PXDNL: variants seen among roughly 807,000 people sequenced by gnomAD.
The protein encoded by PXDNL is probable oxidoreductase PXDNL.
A neutral mutation model predicts 150.8 loss-of-function variants in PXDNL; 145 were observed. The observed-to-expected ratio is 0.96, with a 90% confidence interval of 0.84 to 1.10. PXDNL has a LOEUF of 1.10. Among genes scored for constraint, PXDNL ranks in the 50% least tolerant of loss-of-function variants. PXDNL has a pLI of 0.00. For synonymous variants in PXDNL, 757 were observed against 725.7 expected (o/e 1.04, Z -0.69); for missense variants, 2,087 against 1,873.9 (o/e 1.11, Z -2.10).
At chr8:51,448,625 G>A (rs1809734760) in intron 11 of PXDNL, among the ~76,000 whole-genome samples, 1 of 152,090 alleles carries the variant, frequency 6.6e-6, no homozygotes, top group Non-Finnish European at 1.5e-5. Context: ...GCGTGAACCC[G>A]GGAGGCGGAG....
intron 4 of PXDNL, among the ~76,000 whole-genome samples, chr8:51,532,578 T>C (rs920923467): frequency 2.0e-5 from 3 of 152,198 alleles, no homozygotes; most frequent in Non-Finnish European, 4.4e-5. Context: ...TGTTTGTTTG[T>C]TTGCTTTTTG....
intron 1 of PXDNL, among the ~76,000 whole-genome samples, chr8:51,719,066 G>A (rs545965064): frequency 3.3e-5 from 5 of 151,734 alleles, no homozygotes; most frequent in East Asian, 4.0e-4. Flanking sequence ...CCGCCACCCC[G>A]TCTGGGAGGT....
chr8:51,623,627 C>G (rs531200659), intron 2 of PXDNL, among the ~76,000 whole-genome samples: 2 of 152,234 alleles, frequency 1.3e-5, no homozygotes, highest in Admixed American at 1.3e-4. Flanking sequence ...ACCCAGCAGA[C>G]CCGTGGGCAC....
intron 1 of PXDNL, among the ~76,000 whole-genome samples, chr8:51,655,832 G>A (rs1245980848): frequency 1.3e-5 from 2 of 152,112 alleles, no homozygotes; most frequent in African/African-American, 4.8e-5. Context: ...ACTCAAGAAA[G>A]CGCCAGCCTA....
intron 19 of PXDNL, among the ~76,000 whole-genome samples, chr8:51,348,906 A>G (rs1448979901): frequency 6.6e-6 from 1 of 152,206 alleles, no homozygotes; most frequent in Middle Eastern, 3.2e-3. Context: ...AGGAAAACAG[A>G]AGAAAGTTAA....
intron 12 of PXDNL, among the ~76,000 whole-genome samples, chr8:51,432,313 AC>A (rs1809269018): frequency 6.6e-6 from 1 of 152,166 alleles, no homozygotes; most frequent in Non-Finnish European, 1.5e-5. Flanking sequence ...CCTTGAGCCA[AC>A]CATACAATAT....
intron 17 of PXDNL, among the ~76,000 whole-genome samples, chr8:51,383,777 C>A (rs1807616656): frequency 6.6e-6 from 1 of 152,102 alleles, no homozygotes; most frequent in African/African-American, 2.4e-5. Context: ...TTGAAATGAA[C>A]TATTTCTTGC....
chr8:51,378,216 A>G (rs909834248), intron 17 of PXDNL, among the ~76,000 whole-genome samples: 2 of 150,632 alleles, frequency 1.3e-5, no homozygotes, highest in African/African-American at 4.9e-5. Flanking sequence ...AGCACTCTGT[A>G]TCTAGCTAAT....
chr8:51,746,024 G>T (rs1370294260), intron 1 of PXDNL, among the ~76,000 whole-genome samples: 2 of 152,132 alleles, frequency 1.3e-5, no homozygotes. Flanking sequence ...CTCCCAAAGT[G>T]CTGGGATTAC....
intron 17 of PXDNL, among the ~76,000 whole-genome samples, chr8:51,388,273 A>C (rs1807785695): frequency 6.6e-6 from 1 of 152,228 alleles, no homozygotes; most frequent in Admixed American, 6.5e-5. Context: ...TCTTTATAAA[A>C]ACACAAACAG....
chr8:51,601,944 T>C (rs1190042870), intron 2 of PXDNL, among the ~76,000 whole-genome samples: 1 of 152,060 alleles, frequency 6.6e-6, no homozygotes, highest in Non-Finnish European at 1.5e-5. Flanking sequence ...TAGCACTTGC[T>C]TGTCTGGAAA....
intron 1 of PXDNL, among the ~76,000 whole-genome samples, chr8:51,729,985 G>A (rs1816886341): frequency 6.6e-6 from 1 of 152,138 alleles, no homozygotes; most frequent in Non-Finnish European, 1.5e-5. Flanking sequence ...GAAGGGGGAA[G>A]GATAGGTGGA....
intron 1 of PXDNL, among the ~76,000 whole-genome samples, chr8:51,805,380 T>G (rs1386721710): frequency 6.8e-6 from 1 of 147,106 alleles, no homozygotes; most frequent in African/African-American, 2.5e-5. Flanking sequence ...ATTATAAAAT[T>G]ATGTTTGCTG....
chr8:51,493,912 T>G (rs1440979276), intron 5 of PXDNL, among the ~76,000 whole-genome samples: 2 of 152,088 alleles, frequency 1.3e-5, no homozygotes, highest in Non-Finnish European at 2.9e-5. Flanking sequence ...AACATTCAAA[T>G]TCAGGAAATA....
Position 51,465,214 on chromosome 8 carries a change from T to C in PXDNL, c.812+6973A>G, listed in dbSNP as rs559215599. 5.5e-4 allele frequency among the ~76,000 whole-genome samples: 83 copies of C among 152,266 alleles called. 1 individual carries two copies. Among genetic ancestry groups the C allele is most frequent in the African/African-American group, 2.0e-3 (82 of 41,536 alleles). On this transcript the variant is annotated intron_variant, in intron 8 of 22. Coordinates refer to ENST00000356297, the MANE Select transcript of PXDNL (RefSeq NM_144651.5). ...AGAAAGTTGATTTACCATGACCAAG[T>C]AGGCTTTATTCCTGAGATACAAAGT...
intron 1 of PXDNL, among the ~76,000 whole-genome samples, chr8:51,772,268 A>G (rs1327694958): frequency 1.3e-5 from 2 of 151,000 alleles, no homozygotes; most frequent in Non-Finnish European, 2.9e-5. Flanking sequence ...ACACACATAT[A>G]CAGCTGCTCC....
intron 1 of PXDNL, among the ~76,000 whole-genome samples, chr8:51,779,931 G>A (rs1461076505): frequency 3.9e-5 from 6 of 152,182 alleles, no homozygotes; most frequent in Admixed American, 3.9e-4. Flanking sequence ...CAGAGCCTCA[G>A]CCTGGTGTGG....
chr8:51,457,703 C>T, intron 8 of PXDNL, 36 bp from the exon 9 acceptor site: 2 of 1,538,052 alleles, frequency 1.3e-6, no homozygotes, highest in Non-Finnish European at 1.8e-6. Flanking sequence ...ATTATTTAAT[C>T]CCATTCATGT....
rs1389945416 is a variant in PXDNL at position 51,607,639 on chromosome 8, G to A, written c.237-14941C>T. On this transcript the variant is annotated intron_variant, in intron 2 of 22. Transcript: ENST00000356297. Reference sequence around the variant, plus strand: ...GTGGATCACCTGAGGTCAGGAGTTCGAGACAAGCCTGGCCAACATGGCAAA... The same window carrying A: ...GTGGATCACCTGAGGTCAGGAGTTCAAGACAAGCCTGGCCAACATGGCAAA... 3.3e-4 allele frequency among the ~76,000 whole-genome samples: 48 copies of A among 144,552 alleles called. 1 individual carries two copies. The highest frequency in any genetic ancestry group is 3.2e-3 in the Admixed American group (47 of 14,814). The allele number at this position is 144,552 out of a possible 152,430, so 94.8% of individuals were successfully genotyped here.
Sources: allele counts gnomAD v4.1 joint callset (sites outside exome capture counted in the v4.1 genomes callset), GRCh38; gene constraint gnomAD v4.1.1; transcripts MANE v1.5; gene names NCBI Gene and HGNC (gene_info 2026-07-23, HGNC 2026-07-21).